The following ARMH1 variants were observed in gnomAD, a reference collection of about 807,000 sequenced individuals.
The protein encoded by ARMH1 is armadillo like helical domain containing 1, also known as armadillo-like helical domain containing protein 1.
A neutral mutation model predicts 50.2 loss-of-function variants in ARMH1; 34 were observed. The observed-to-expected ratio is 0.68, with a 90% CI of 0.51 to 0.90. The LOEUF is 0.90. ARMH1 is among the 40% of genes least tolerant of loss of function. The pLI is 0.00. For missense variants in ARMH1, 538 were observed against 553.9 expected (o/e 0.97, Z 0.29); for synonymous variants, 221 against 224.2 (o/e 0.99, Z 0.13).
At chr1:44,721,903 T>C (rs917995709) in intron 6 of ARMH1, 8 of 152,256 alleles carry the variant, frequency 5.3e-5, no homozygotes, top group Non-Finnish European at 1.0e-4. Context: ...ACCAGAGATC[T>C]GCCTGTTAGC....
At chr1:44,715,000 C>T (rs1194728279) in intron 6 of ARMH1, among the ~76,000 whole-genome samples, 1 of 152,086 alleles carries the variant, frequency 6.6e-6, no homozygotes, top group African/African-American at 2.4e-5. Context: ...CCCGCCTCAG[C>T]CTCTTAAAGT....
chr1:44,723,301 G>T (rs74070587), intron 6 of ARMH1, among the ~76,000 whole-genome samples: 6,092 of 152,218 alleles, frequency 0.04, 403 homozygotes, highest in African/African-American at 0.14. Flanking sequence ...TTGGTCGAAT[G>T]AATGAATTCA....
intron 6 of ARMH1, among the ~76,000 whole-genome samples, chr1:44,721,246 G>A (rs1232335010): frequency 6.6e-6 from 1 of 152,154 alleles, no homozygotes; most frequent in African/African-American, 2.4e-5. Flanking sequence ...AACCTCAAGT[G>A]TTGAATGTGG....
At chr1:44,679,052 C>G (rs1645226004) in intron 1 of ARMH1, among the ~76,000 whole-genome samples, 1 of 152,212 alleles carries the variant, frequency 6.6e-6, no homozygotes, top group Non-Finnish European at 1.5e-5. Context: ...AGAGTCCACT[C>G]TGGGCTGAAG....
chr1:44,704,865 C>T (rs1280373241), intron 6 of ARMH1, among the ~76,000 whole-genome samples: 2 of 138,090 alleles, frequency 1.4e-5, no homozygotes, highest in East Asian at 2.2e-4. Flanking sequence ...GACGGAATCT[C>T]GCTCTGTCAT....
At position 44,704,106 on chromosome 1, in the gene ARMH1, A is replaced by G. The variant is rs377114104; in HGVS notation, c.657A>G (p.Thr219=). The change falls in exon 6 of 12, where the codon ACA becomes ACG. Residue 219 remains threonine, a synonymous_variant. Transcript: ENST00000535358. ...LRTAQPIIGT[T]HPSIVDCVLK... ...CTGGTCAGCCAATCATTGGGACCAC[A>G]CACCCCAGCATCGTGGACTGCGTGC... 1.0e-5 allele frequency: 16 copies of G among 1,550,778 alleles called. No individual in the cohort carries two copies. The East Asian group carries it at 1.5e-4, about 14-fold the overall frequency.
Position 44,724,526 on chromosome 1 carries a change from AC to A in ARMH1, c.921-8del. 5 of 1,504,886 alleles carry A rather than the reference AC, an allele frequency of 3.3e-6. No individual in the cohort carries two copies. Among genetic ancestry groups the A allele is most frequent in the Admixed American group, 2.1e-5 (1 of 47,368 alleles). The allele number at this position is 1,504,886 out of a possible 1,614,324, so 93.2% of individuals were successfully genotyped here. A position where few individuals can be genotyped will look rare whatever the true frequency, so the allele number is the denominator to read the frequency against. ...GCCCCAGGGCGTCGCCCCAGCCCGAACCCCCGGCCCAGGGTCCTGGCGCGCA... is the reference window on the plus strand; with the variant it reads ...GCCCCAGGGCGTCGCCCCAGCCCGAACCCCGGCCCAGGGTCCTGGCGCGCA... On this transcript the variant is annotated splice_polypyrimidine_tract_variant and intron_variant, in intron 8 of 11. Transcript: ENST00000535358. This position sits in a 1 kb window ranked among gnomAD's most constrained non-coding sequence, Gnocchi z 6.4.
intron 6 of ARMH1, among the ~76,000 whole-genome samples, chr1:44,710,969 T>G (rs78048903): frequency 0.023 from 3,513 of 152,352 alleles, 63 homozygotes; most frequent in Non-Finnish European, 0.034. Flanking sequence ...ATGTCTGGCT[T>G]CTTCCACTTA....
At position 44,681,273 on chromosome 1, in the gene ARMH1, G is replaced by A. The variant is rs1418929327; in HGVS notation, c.-23+6400G>A. 6.6e-6 allele frequency among the ~76,000 whole-genome samples: 1 copy of A among 152,138 alleles called. No individual in the cohort carries two copies. The highest frequency in any genetic ancestry group is 2.4e-5 in the African/African-American group (1 of 41,420). On this transcript the variant is annotated intron_variant, in intron 1 of 11. Transcript: ENST00000535358. This position sits in a 1 kb window ranked among gnomAD's most constrained non-coding sequence, Gnocchi z 4.3. ...GCCTCCCAAAGTGCTGGGATTACAAGCGTGAGCCACTGCGCCCGGCCGTGA... is the reference window on the plus strand; with the variant it reads ...GCCTCCCAAAGTGCTGGGATTACAAACGTGAGCCACTGCGCCCGGCCGTGA...
At chr1:44,717,012 A>G (rs894083256) in intron 6 of ARMH1, among the ~76,000 whole-genome samples, 44 of 151,906 alleles carry the variant, frequency 2.9e-4, no homozygotes, top group African/African-American at 1.0e-3. Context: ...CACTGCGCCC[A>G]GCTAATTTTT....
chr1:44,698,189 C>T lies in ARMH1; in HGVS notation c.402C>T (p.Asn134=), dbSNP rs1429855882. ...ESVKLLQVIA[N]SGRTYKELIC... ...TCAAACTACTTCAGGTTATTGCGAA[C>T]TCTGGCAGGACATACAAGGAACTCA... The change falls in exon 4 of 12, where the codon AAC becomes AAT. Residue 134 remains asparagine (N), a synonymous_variant. Transcript: ENST00000535358. 6.4e-7 allele frequency: 1 copy of T among 1,552,302 alleles called. No individual in the cohort carries two copies. Among genetic ancestry groups the T allele is most frequent in the East Asian group, 2.4e-5 (1 of 40,916 alleles).
chr1:44,707,789 G>T (rs757056148), intron 6 of ARMH1, among the ~76,000 whole-genome samples: 9 of 152,096 alleles, frequency 5.9e-5, no homozygotes, highest in Non-Finnish European at 1.2e-4. Context: ...TTCCAATATC[G>T]GCCTAAGTTA....
chr1:44,697,027 A>G (rs777933371), intron 2 of ARMH1, 75 bp from the exon 3 acceptor site: 20 of 1,119,824 alleles, frequency 1.8e-5, no homozygotes, highest in Non-Finnish European at 2.6e-5. Context: ...CCGGGGTGGT[A>G]CCAGAGATCA....
intron 3 of ARMH1, 84 bp downstream of exon 3, chr1:44,697,254 C>T (rs1428163542): frequency 6.5e-6 from 7 of 1,080,186 alleles, no homozygotes; most frequent in Non-Finnish European, 9.7e-6. Flanking sequence ...CACCCAGGGC[C>T]ACGGATTCCT....
chr1:44,715,287 C>G (rs1646806009), intron 6 of ARMH1, among the ~76,000 whole-genome samples: 1 of 152,174 alleles, frequency 6.6e-6, no homozygotes, highest in African/African-American at 2.4e-5. Flanking sequence ...CCACAGTTCC[C>G]AGGTACAATG....
chr1:44,724,391 G>A lies in ARMH1; in HGVS notation c.919G>A (p.Gly307Arg). 2.6e-6 allele frequency: 4 copies of A among 1,549,796 alleles called. No individual in the cohort carries two copies. The highest frequency in any genetic ancestry group is 3.5e-6 in the Non-Finnish European group (4 of 1,146,856). ...LQQAAAAKAI[G>R]VLARNDMSIA... ...GCAGGCCGCGGCCGCCAAGGCCATCGGGTAAGCGGGCAGGGGTTAGTGGGT... is the reference window on the plus strand; with the variant it reads ...GCAGGCCGCGGCCGCCAAGGCCATCAGGTAAGCGGGCAGGGGTTAGTGGGT... The change falls in exon 8 of 12, where the codon GGG becomes AGG. Residue 307 changes from glycine to arginine, a missense_variant and splice_region_variant. By Grantham distance (125) the Gly-to-Arg change is moderately radical. Transcript: ENST00000535358. This position sits in a 1 kb window ranked among gnomAD's most constrained non-coding sequence, Gnocchi z 6.4.
At chr1:44,678,627 G>T (rs989685645) in intron 1 of ARMH1, among the ~76,000 whole-genome samples, 5 of 152,108 alleles carry the variant, frequency 3.3e-5, no homozygotes, top group Non-Finnish European at 7.4e-5. Flanking sequence ...TAGGAGTCAG[G>T]GACGGGAGCC....
At position 44,724,533 on chromosome 1, in the gene ARMH1, G is replaced by A; in HGVS notation, c.921-6G>A. The stretch of plus-strand genomic sequence containing the variant: ...GGCGTCGCCCCAGCCCGAACCCCCG[G>A]CCCAGGGTCCTGGCGCGCAACGACA... On this transcript the variant is annotated splice_region_variant and splice_polypyrimidine_tract_variant and intron_variant, in intron 8 of 11. Coordinates refer to ENST00000535358, the MANE Select transcript of ARMH1 (RefSeq NM_001145636.2). This position sits in a 1 kb window ranked among gnomAD's most constrained non-coding sequence, Gnocchi z 6.4. 7.3e-6 allele frequency: 11 copies of A among 1,506,846 alleles called. No homozygotes were observed. The highest frequency in any genetic ancestry group is 9.7e-6 in the Non-Finnish European group (11 of 1,131,238). The allele number at this position is 1,506,846 out of a possible 1,614,324, so 93.3% of individuals were successfully genotyped here. A position where few individuals can be genotyped will look rare whatever the true frequency, so the allele number is the denominator to read the frequency against.
intron 6 of ARMH1, among the ~76,000 whole-genome samples, chr1:44,722,617 G>A (rs1173664874): frequency 2.0e-5 from 3 of 151,896 alleles, no homozygotes; most frequent in Non-Finnish European, 4.4e-5. Flanking sequence ...GGTGGCAGAC[G>A]CCTGTAATCC....
Sources: gnomAD v4.1 joint callset for allele counts (sites outside exome capture counted in the v4.1 genomes callset) on GRCh38, gnomAD v4.1.1 for gene constraint, Gnocchi (gnomAD v3.1) non-coding constraint, MANE v1.5 for transcripts, NCBI Gene and HGNC (gene_info 2026-07-23, HGNC 2026-07-21) for gene names.